Variants in CSMD3 observed in about 807,000 individuals in gnomAD.
CSMD3 encodes the protein CUB and Sushi multiple domains 3.
In CSMD3, 177 loss-of-function variants were observed where a neutral mutation model predicts 435.2. The ratio of observed to expected loss-of-function variants is 0.41; its 90% CI spans 0.36 to 0.46. The LOEUF is 0.46. Among genes scored for constraint, CSMD3 ranks in the 20% least tolerant of loss-of-function variants. CSMD3 has a pLI of 0.34. For missense variants in CSMD3, 4,265 were observed against 4,504.6 expected (o/e 0.95, Z 1.52); for synonymous variants, 1,656 against 1,520.5 (o/e 1.09, Z -2.07).
At chr8:112,806,739 C>T (rs1486885825) in intron 12 of CSMD3, among the ~76,000 whole-genome samples, 1 of 152,114 alleles carries the variant, frequency 6.6e-6, no homozygotes, top group African/African-American at 2.4e-5. Flanking sequence ...TTCAGCTCAC[C>T]TCCACTAGAA....
At chr8:112,951,314 G>C (rs1401307421) in intron 8 of CSMD3, among the ~76,000 whole-genome samples, 12 of 151,624 alleles carry the variant, frequency 7.9e-5, no homozygotes, top group Non-Finnish European at 3.0e-5. Context: ...TTAAGAATAT[G>C]AGTGCTCTCT....
chr8:113,295,847 T>C lies in CSMD3; in HGVS notation c.402-17143A>G, dbSNP rs201989271. 2.6e-5 allele frequency among the ~76,000 whole-genome samples: 4 copies of C among 152,138 alleles called. No homozygotes were observed. The East Asian group carries it at 7.7e-4, about 29-fold the overall frequency. On this transcript the variant is annotated intron_variant, in intron 2 of 70. Coordinates refer to ENST00000297405, the MANE Select transcript of CSMD3 (RefSeq NM_198123.2). Reference sequence around the variant, plus strand: ...ATGCTGCTATAAAGACACATGCACATGTATGTTTATTGCGGCACTATTCAC... The same window carrying C: ...ATGCTGCTATAAAGACACATGCACACGTATGTTTATTGCGGCACTATTCAC...
chr8:113,311,730 T>A (rs899621626), intron 2 of CSMD3: 4 of 152,168 alleles, frequency 2.6e-5, no homozygotes, highest in African/African-American at 7.2e-5. Context: ...ACATACTAAT[T>A]TTTTTCTTTC....
chr8:112,628,651 C>G (rs1563786030), intron 22 of CSMD3, among the ~76,000 whole-genome samples: 1 of 152,108 alleles, frequency 6.6e-6, no homozygotes, highest in African/African-American at 2.4e-5. Flanking sequence ...ATATTCATTT[C>G]TTTATCAACT....
chr8:112,494,548 TTTC>T (rs1442956306), intron 30 of CSMD3, among the ~76,000 whole-genome samples: 31 of 142,768 alleles, frequency 2.2e-4, no homozygotes, highest in Non-Finnish European at 3.1e-4. Context: ...TCTTTCTTTC[TTTC>T]TTTCTTTCTT....
chr8:112,929,673 A>C (rs2130697754), intron 9 of CSMD3, among the ~76,000 whole-genome samples: 1 of 152,224 alleles, frequency 6.6e-6, no homozygotes, highest in South Asian at 2.1e-4. Context: ...ACTGTGTTAT[A>C]AAGTAAGAAA....
chr8:112,400,586 C>T (rs974153341), intron 35 of CSMD3, among the ~76,000 whole-genome samples: 2 of 151,926 alleles, frequency 1.3e-5, no homozygotes, highest in Non-Finnish European at 2.9e-5. Flanking sequence ...CATCTTTTGC[C>T]CTAAAAGTAG....
At chr8:113,195,171 A>T (rs1364160909) in intron 3 of CSMD3, among the ~76,000 whole-genome samples, 1 of 150,778 alleles carries the variant, frequency 6.6e-6, no homozygotes, top group African/African-American at 2.4e-5. Flanking sequence ...TCTTACAAAA[A>T]ACACTCACTA....
chr8:112,629,737 C>A (rs1299256979), intron 22 of CSMD3, among the ~76,000 whole-genome samples: 1 of 152,172 alleles, frequency 6.6e-6, no homozygotes, highest in Non-Finnish European at 1.5e-5. Context: ...TCTGGTCTTT[C>A]AAAGGATAAC....
intron 5 of CSMD3, among the ~76,000 whole-genome samples, chr8:113,060,506 T>C (rs113448799): frequency 2.0e-5 from 3 of 152,242 alleles, no homozygotes; most frequent in African/African-American, 7.2e-5. Context: ...TAGAACTATA[T>C]ACCATAAACC....
At chr8:112,610,180 C>T (rs1833145309) in intron 22 of CSMD3, among the ~76,000 whole-genome samples, 1 of 152,078 alleles carries the variant, frequency 6.6e-6, no homozygotes, top group South Asian at 2.1e-4. Context: ...ATCATGCACA[C>T]ACACACAGTG....
intron 23 of CSMD3, among the ~76,000 whole-genome samples, chr8:112,579,412 G>A (rs911587688): frequency 2.4e-4 from 36 of 152,130 alleles, no homozygotes; most frequent in African/African-American, 8.4e-4. Flanking sequence ...TGAATGTGGA[G>A]TTGGTTAGAG....
chr8:112,372,382 CCAAATATCTG>C (rs1327759163), intron 38 of CSMD3, among the ~76,000 whole-genome samples: 2 of 151,898 alleles, frequency 1.3e-5, no homozygotes, highest in Non-Finnish European at 2.9e-5. Flanking sequence ...TATGAAATGA[CCAAATATCTG>C]GAAATATTAA....
intron 13 of CSMD3, among the ~76,000 whole-genome samples, chr8:112,758,101 TC>T (rs1437896684): frequency 1.3e-5 from 2 of 152,018 alleles, no homozygotes; most frequent in African/African-American, 2.4e-5. Flanking sequence ...ACGCCTGTAA[TC>T]CCAGCACTTT....
intron 50 of CSMD3, chr8:112,310,341 T>G (rs1238302507): frequency 6.5e-6 from 1 of 152,980 alleles, no homozygotes; most frequent in Non-Finnish European, 1.5e-5. Flanking sequence ...GGCCTCAGCC[T>G]CCCATAAAAA....
At chr8:113,232,389 C>T (rs887723416) in intron 3 of CSMD3, among the ~76,000 whole-genome samples, 2 of 151,548 alleles carry the variant, frequency 1.3e-5, no homozygotes, top group African/African-American at 4.8e-5. Context: ...TTGACTTATT[C>T]AGACCAATAT....
intron 24 of CSMD3, among the ~76,000 whole-genome samples, chr8:112,560,149 G>A (rs1218245955): frequency 2.0e-5 from 3 of 151,716 alleles, no homozygotes; most frequent in Non-Finnish European, 3.0e-5. Flanking sequence ...ACAAGAACTT[G>A]TATAGTTCTA....
chr8:112,800,322 C>T (rs765856294), intron 12 of CSMD3, 48 bp from the exon 13 acceptor site: 4 of 1,137,100 alleles, frequency 3.5e-6, no homozygotes, highest in Non-Finnish European at 5.4e-6. Context: ...TTAAAACATC[C>T]TCTGCATACA....
At chr8:113,207,184 C>T (rs1245967702) in intron 3 of CSMD3, among the ~76,000 whole-genome samples, 1 of 152,088 alleles carries the variant, frequency 6.6e-6, no homozygotes, top group Admixed American at 6.6e-5. Context: ...TGAAAACTTT[C>T]ATCTGGATGT....
Sources: gnomAD v4.1 joint callset for allele counts (sites outside exome capture counted in the v4.1 genomes callset) on GRCh38, gnomAD v4.1.1 for gene constraint, MANE v1.5 for transcripts, NCBI Gene and HGNC (gene_info 2026-07-23, HGNC 2026-07-21) for gene names.